MAN2A1: variants seen among roughly 807,000 people sequenced by gnomAD.
MAN2A1 encodes the protein mannosidase alpha class 2A member 1, also known as alpha-mannosidase 2.
In MAN2A1, 76 loss-of-function variants were observed where a neutral mutation model predicts 142.6. The observed-to-expected ratio is 0.53, with a 90% confidence interval of 0.44 to 0.65. The LOEUF (loss-of-function observed/expected upper bound fraction) is 0.65. MAN2A1 is among the 30% of genes least tolerant of loss of function. The pLI, the probability that MAN2A1 is intolerant of heterozygous loss-of-function variation, is 0.00. For missense variants in MAN2A1, 1,311 were observed against 1,365.1 expected (o/e 0.96, Z 0.62); for synonymous variants, 559 against 473.2 (o/e 1.18, Z -2.35).
rs1580290010 is a variant in MAN2A1, at chr5:109,823,792, T to C, written c.2521T>C (p.Phe841Leu). 1 of 1,607,742 alleles carries C rather than the reference T, an allele frequency of 6.2e-7. No individual in the cohort carries two copies. The highest frequency in any genetic ancestry group is 2.2e-5 in the East Asian group (1 of 44,520). Reference protein sequence around the residue: ...HGRIYSEVTCFFDHVTHRVRL... With the variant: ...HGRIYSEVTCLFDHVTHRVRL... ...AAGGATTTATTCGGAAGTGACTTGCTTTTTTGACCATGTTACTCATAGAGT... is the reference window on the plus strand; with the variant it reads ...AAGGATTTATTCGGAAGTGACTTGCCTTTTTGACCATGTTACTCATAGAGT... The change falls in exon 16 of 22, where the codon TTT becomes CTT. Residue 841 changes from phenylalanine (F) to leucine (L), a missense_variant. This residue lies in a region of MAN2A1 where 890 missense variants were observed against 920.5 expected (regional missense o/e 0.97). Coordinates refer to ENST00000261483, the MANE Select transcript of MAN2A1 (RefSeq NM_002372.4).
Position 109,770,636 on chromosome 5 carries a change from C to T in MAN2A1, c.1196+95C>T, listed in dbSNP as rs545587512. ...GGTTGAACAAATGGGCTTTATTAGC[C>T]AACATTATCCTTGTTTGAAGTATTC... is the stretch of plus-strand genomic sequence containing the variant. On this transcript the variant is annotated intron_variant, in intron 7 of 21. Coordinates refer to ENST00000261483, the MANE Select transcript of MAN2A1 (RefSeq NM_002372.4). 8.8e-5 allele frequency: 94 copies of T among 1,070,286 alleles called. No homozygotes were observed. In the East Asian group the frequency reaches 2.1e-3, roughly 24 times the overall value. The allele number at this position is 1,070,286 out of a possible 1,614,324, so 66.3% of individuals were successfully genotyped here.
chr5:109,860,628 G>A (rs1389284886), intron 20 of MAN2A1, among the ~76,000 whole-genome samples: 1 of 152,154 alleles, frequency 6.6e-6, no homozygotes, highest in Non-Finnish European at 1.5e-5. Flanking sequence ...AAAGTTTACT[G>A]TTTCTTTTGG....
intron 1 of MAN2A1, among the ~76,000 whole-genome samples, chr5:109,707,092 T>C (rs2112553069): frequency 1.3e-5 from 2 of 152,312 alleles, no homozygotes; most frequent in South Asian, 4.1e-4. Flanking sequence ...TAATCTTTGC[T>C]CTAGAAAGGG....
chr5:109,702,797 T>C (rs1490741127), intron 1 of MAN2A1, among the ~76,000 whole-genome samples: 3 of 152,216 alleles, frequency 2.0e-5, no homozygotes, highest in Non-Finnish European at 1.5e-5. Context: ...TTATGTATTA[T>C]GTTATGTCTT....
At chr5:109,763,226 G>GC (rs1225168725) in intron 5 of MAN2A1, among the ~76,000 whole-genome samples, 3 of 152,158 alleles carry the variant, frequency 2.0e-5, no homozygotes, top group African/African-American at 7.2e-5. Context: ...GTGTACTGCA[G>GC]CTGCTCAGCC....
At chr5:109,727,054 T>C (rs930001030) in intron 3 of MAN2A1, among the ~76,000 whole-genome samples, 4 of 152,180 alleles carry the variant, frequency 2.6e-5, no homozygotes, top group South Asian at 2.1e-4. Flanking sequence ...TAGGTAGATA[T>C]AGTATATTCA....
At chr5:109,853,817 A>G (rs1755542260) in intron 19 of MAN2A1, 1 of 152,174 alleles carries the variant, frequency 6.6e-6, no homozygotes, top group East Asian at 1.9e-4. Flanking sequence ...GTTGGAGAAT[A>G]TTATTTTATA....
Position 109,819,906 on chromosome 5 carries a change from T to C in MAN2A1, c.2328+19T>C, listed in dbSNP as rs1754577893. 1 of 1,462,240 alleles carries C rather than the reference T, an allele frequency of 6.8e-7. No individual in the cohort carries two copies. The highest frequency in any genetic ancestry group is 1.4e-5 in the African/African-American group (1 of 70,266). The allele number at this position is 1,462,240 out of a possible 1,614,324, so 90.6% of individuals were successfully genotyped here. Reference sequence around the variant, plus strand: ...TATGAAGGTATGTTCTGAATAGTTCTAAAATTCATAGAATGCTTATCATTT... The same window carrying C: ...TATGAAGGTATGTTCTGAATAGTTCCAAAATTCATAGAATGCTTATCATTT... On this transcript the variant is annotated intron_variant, in intron 14 of 21. Coordinates refer to ENST00000261483, the MANE Select transcript of MAN2A1 (RefSeq NM_002372.4).
chr5:109,844,832 T>G (rs1755306066), intron 17 of MAN2A1, among the ~76,000 whole-genome samples: 1 of 152,192 alleles, frequency 6.6e-6, no homozygotes, highest in South Asian at 2.1e-4. Flanking sequence ...ATGCCAGTCA[T>G]TAGGTTAGGT....
chr5:109,733,862 T>A (rs1378337559), intron 4 of MAN2A1, among the ~76,000 whole-genome samples: 2 of 152,212 alleles, frequency 1.3e-5, no homozygotes, highest in Non-Finnish European at 2.9e-5. Context: ...GGTATCAGGA[T>A]GATGCTGGCC....
At chr5:109,860,363 TA>T (rs1755724593) in intron 20 of MAN2A1, among the ~76,000 whole-genome samples, 1 of 152,194 alleles carries the variant, frequency 6.6e-6, no homozygotes, top group African/African-American at 2.4e-5. Context: ...TTAGGACTTA[TA>T]ATGAAGCATG....
intron 4 of MAN2A1, among the ~76,000 whole-genome samples, chr5:109,746,150 T>A (rs918128687): frequency 2.0e-5 from 3 of 152,120 alleles, no homozygotes; most frequent in African/African-American, 7.2e-5. Context: ...AATTTTTGTA[T>A]TTTTTGTGGA....
intron 7 of MAN2A1, 124 bp downstream of exon 7, chr5:109,770,665 C>T: frequency 1.2e-6 from 1 of 847,102 alleles, no homozygotes; most frequent in Non-Finnish European, 1.8e-6. Context: ...AGTATTCATT[C>T]AAACCAGATC....
At position 109,711,455 on chromosome 5, in the gene MAN2A1, T is replaced by C. The variant is rs1159017573; in HGVS notation, c.136-2065T>C. Among the ~76,000 whole-genome samples the C allele has an allele frequency of 2.7e-5, 4 of 150,488 alleles. No homozygotes were observed. In the East Asian group the frequency reaches 7.9e-4, roughly 30 times the overall value. On this transcript the variant is annotated intron_variant, in intron 1 of 21. Transcript: ENST00000261483. The stretch of plus-strand genomic sequence containing the variant: ...TATATACAGATTCATCAACTGTACC[T>C]GACTCAAATATTTTTAGCTTCTTTG...
chr5:109,855,049 A>G, intron 19 of MAN2A1, 91 bp from the exon 20 acceptor site: 1 of 581,674 alleles, frequency 1.7e-6, no homozygotes, highest in Non-Finnish European at 2.7e-6. Context: ...TTATTCATAT[A>G]TTTTTATATT....
chr5:109,750,516 G>C (rs1035478496), intron 4 of MAN2A1, among the ~76,000 whole-genome samples: 15 of 151,988 alleles, frequency 9.9e-5, no homozygotes, highest in Non-Finnish European at 2.1e-4. Context: ...AAATAATGTT[G>C]TCTCTTTTCT....
intron 2 of MAN2A1, 51 bp from the exon 3 acceptor site, chr5:109,716,069 C>A: frequency 7.8e-7 from 1 of 1,289,352 alleles, no homozygotes. Flanking sequence ...TATTTACCAA[C>A]ATTAAATTAA....
In MAN2A1 at chr5:109,755,475, T is replaced by C; in HGVS notation, c.835+19T>C. The C allele has an allele frequency of 6.3e-7, 1 of 1,594,420 alleles. No individual in the cohort carries two copies. Reference sequence around the variant, plus strand: ...AATATAGGTATGTATTGGTATATTCTTTATTTGGGCTATTTTGGACAGTTA... The same window carrying C: ...AATATAGGTATGTATTGGTATATTCCTTATTTGGGCTATTTTGGACAGTTA... On this transcript the variant is annotated intron_variant, in intron 5 of 21. Transcript: ENST00000261483.
At chr5:109,702,050 A>C (rs1750998326) in intron 1 of MAN2A1, among the ~76,000 whole-genome samples, 1 of 152,218 alleles carries the variant, frequency 6.6e-6, no homozygotes, top group Non-Finnish European at 1.5e-5. Context: ...TAGTGAGGGC[A>C]GGGCCAAGTA....
Sources: allele counts gnomAD v4.1 joint callset (sites outside exome capture counted in the v4.1 genomes callset), GRCh38; gene constraint gnomAD v4.1.1; regional missense constraint gnomAD v4.1.1; transcripts MANE v1.5; gene names NCBI Gene and HGNC (gene_info 2026-07-23, HGNC 2026-07-21).